Variants in EPHA6 observed in about 807,000 individuals in gnomAD.
EPHA6 encodes EPH receptor A6, also known as ephrin type-A receptor 6.
In EPHA6, 50 loss-of-function variants were observed where a neutral mutation model predicts 112.0. The ratio of observed to expected loss-of-function variants is 0.45; its 90% CI spans 0.36 to 0.56. The LOEUF (loss-of-function observed/expected upper bound fraction) is 0.56. Among genes scored for constraint, EPHA6 ranks in the 20% least tolerant of loss-of-function variants. The pLI, the probability that EPHA6 is intolerant of heterozygous loss-of-function variation, is 0.00. For missense variants in EPHA6, 1,280 were observed against 1,417.4 expected (o/e 0.90, Z 1.56); for synonymous variants, 529 against 490.7 (o/e 1.08, Z -1.03).
chr3:97,703,436 T>A (rs2107742404), intron 14 of EPHA6, among the ~76,000 whole-genome samples: 1 of 152,320 alleles, frequency 6.6e-6, no homozygotes, highest in Middle Eastern at 3.4e-3. Flanking sequence ...TGCTTAAAGT[T>A]CAATTTTGTT....
intron 2 of EPHA6, among the ~76,000 whole-genome samples, chr3:96,938,697 G>C (rs2040750109): frequency 6.6e-6 from 1 of 151,684 alleles, no homozygotes; most frequent in Non-Finnish European, 1.5e-5. Flanking sequence ...AGTTTTCAAA[G>C]GGAATGCTTC....
chr3:97,128,339 T>C (rs747627681), intron 3 of EPHA6, among the ~76,000 whole-genome samples: 2 of 152,220 alleles, frequency 1.3e-5, no homozygotes, highest in Non-Finnish European at 2.9e-5. Flanking sequence ...CTTTTTGACA[T>C]TGTGACTTCT....
intron 5 of EPHA6, among the ~76,000 whole-genome samples, chr3:97,295,226 T>C (rs6796268): frequency 0.23 from 34,281 of 152,166 alleles, 9,071 homozygotes; most frequent in African/African-American, 0.63. Context: ...TATTCGTTTG[T>C]TTCATCATGG....
chr3:97,234,916 A>G (rs2078637984), intron 4 of EPHA6, among the ~76,000 whole-genome samples: 1 of 152,010 alleles, frequency 6.6e-6, no homozygotes, highest in Non-Finnish European at 1.5e-5. Flanking sequence ...ACCTGCCTGC[A>G]TCTCTGACCT....
chr3:97,443,359 CAA>C (rs5851066), intron 6 of EPHA6, among the ~76,000 whole-genome samples: 1,397 of 68,170 alleles, frequency 0.02, 15 homozygotes, highest in African/African-American at 0.055. Flanking sequence ...TAAGACATCG[CAA>C]AAAAAAAAAA....
chr3:97,462,883 C>T (rs897055101), intron 7 of EPHA6, among the ~76,000 whole-genome samples: 1 of 152,118 alleles, frequency 6.6e-6, no homozygotes, highest in Non-Finnish European at 1.5e-5. Flanking sequence ...TTGGGGCTTT[C>T]TAATTACCTT....
chr3:97,513,299 A>G (rs1399644945), intron 10 of EPHA6, among the ~76,000 whole-genome samples: 2 of 152,216 alleles, frequency 1.3e-5, no homozygotes, highest in African/African-American at 4.8e-5. Context: ...ACCACTGGGT[A>G]TATATCCAAA....
chr3:96,841,377 T>C (rs1038037094), intron 1 of EPHA6, among the ~76,000 whole-genome samples: 7 of 152,122 alleles, frequency 4.6e-5, no homozygotes, highest in Non-Finnish European at 1.0e-4. Flanking sequence ...TTAGTGGTAT[T>C]GGGGCCCCAT....
At chr3:97,039,890 A>G (rs2045253800) in intron 3 of EPHA6, among the ~76,000 whole-genome samples, 1 of 151,944 alleles carries the variant, frequency 6.6e-6, no homozygotes, top group Admixed American at 6.6e-5. Context: ...TAACCTTTAT[A>G]CTACTAAGTT....
intron 10 of EPHA6, among the ~76,000 whole-genome samples, chr3:97,491,559 G>T (rs1445779678): frequency 6.6e-6 from 1 of 151,638 alleles, no homozygotes; most frequent in Admixed American, 6.6e-5. Context: ...ATTCAGTGTG[G>T]GTCAATTATT....
At chr3:96,824,966 A>C (rs2033550558) in intron 1 of EPHA6, among the ~76,000 whole-genome samples, 2 of 151,978 alleles carry the variant, frequency 1.3e-5, no homozygotes, top group Non-Finnish European at 2.9e-5. Context: ...AAGATGGATA[A>C]AATGAAGAGA....
chr3:97,306,887 C>T (rs1490940714), intron 5 of EPHA6, among the ~76,000 whole-genome samples: 1 of 150,272 alleles, frequency 6.7e-6, no homozygotes, highest in Admixed American at 6.7e-5. Flanking sequence ...TTGTCACCTA[C>T]ATTTTTTTTT....
At chr3:96,877,930 T>TATA (rs201010421) in intron 2 of EPHA6, among the ~76,000 whole-genome samples, 2 of 87,444 alleles carry the variant, frequency 2.3e-5, no homozygotes, top group East Asian at 3.8e-4. Context: ...TATATATATA[T>TATA]TTTTTTTTTT....
At chr3:97,198,285 G>A (rs1199734274) in intron 3 of EPHA6, among the ~76,000 whole-genome samples, 1 of 152,064 alleles carries the variant, frequency 6.6e-6, no homozygotes, top group Non-Finnish European at 1.5e-5. Context: ...AGGCATTGTG[G>A]TATTTGAAAA....
At chr3:96,859,714 A>G (rs2035902271) in intron 1 of EPHA6, among the ~76,000 whole-genome samples, 1 of 152,116 alleles carries the variant, frequency 6.6e-6, no homozygotes, top group South Asian at 2.1e-4. Context: ...AGTATCCTAC[A>G]GGTAGGAAAT....
chr3:97,491,278 T>A (rs141405919), intron 10 of EPHA6, among the ~76,000 whole-genome samples: 69 of 152,308 alleles, frequency 4.5e-4, no homozygotes, highest in African/African-American at 1.6e-3. Context: ...TGTTTGGGGC[T>A]CTAAGGTGGT....
chr3:97,227,863 C>G (rs1258957853), intron 4 of EPHA6, among the ~76,000 whole-genome samples: 3 of 152,100 alleles, frequency 2.0e-5, no homozygotes, highest in African/African-American at 7.2e-5. Context: ...TCTGGACTGG[C>G]CAGAACTACT....
chr3:97,031,540 C>G (rs1183711862), intron 3 of EPHA6, among the ~76,000 whole-genome samples: 1 of 152,024 alleles, frequency 6.6e-6, no homozygotes, highest in Non-Finnish European at 1.5e-5. Flanking sequence ...TTTTTGCAAC[C>G]TACTCATCTG....
intron 3 of EPHA6, among the ~76,000 whole-genome samples, chr3:97,097,351 G>C (rs560224152): frequency 6.6e-6 from 1 of 151,834 alleles, no homozygotes; most frequent in East Asian, 1.9e-4. Flanking sequence ...AGAGCTAACA[G>C]ACATAATCAG....
Sources: allele counts gnomAD v4.1 joint callset (sites outside exome capture counted in the v4.1 genomes callset), GRCh38; gene constraint gnomAD v4.1.1; transcripts MANE v1.5; gene names NCBI Gene and HGNC (gene_info 2026-07-23, HGNC 2026-07-21).